DCC: variants seen among roughly 807,000 people sequenced by gnomAD.
DCC encodes netrin receptor DCC.
Under a neutral mutation model 172.5 loss-of-function variants are expected in DCC, and 58 were observed. The ratio of observed to expected loss-of-function variants is 0.34; its 90% confidence interval spans 0.27 to 0.42. DCC has a LOEUF of 0.42. DCC is among the 10% of genes least tolerant of loss of function. The probability of loss-of-function intolerance (pLI) is 1.00; values close to 1 mark genes in which losing one functional copy is unlikely to be tolerated. For synonymous variants in DCC, 709 were observed against 644.5 expected, an observed-to-expected ratio of 1.10 and a Z score of -1.52; for missense variants, 1,740 against 1,791.0, an observed-to-expected ratio of 0.97 and a Z score of 0.51.
chr18:53,506,504 T>TATGAAAATAAACAGACATGC (rs2046177304), intron 27 of DCC, among the ~76,000 whole-genome samples: 1 of 152,168 alleles, frequency 6.6e-6, no homozygotes, highest in African/African-American at 2.4e-5. Flanking sequence ...GGTTTATTTT[T>TATGAAAATAAACAGACATGC]ATGAAAATAA....
At chr18:52,652,463 C>T (rs547195805) in intron 1 of DCC, among the ~76,000 whole-genome samples, 1 of 152,182 alleles carries the variant, frequency 6.6e-6, no homozygotes, top group East Asian at 1.9e-4. Flanking sequence ...CCTTCAATAA[C>T]TTCAAGGAAT....
At chr18:53,317,587 C>T (rs756470377) in intron 13 of DCC, among the ~76,000 whole-genome samples, 14 of 152,232 alleles carry the variant, frequency 9.2e-5, no homozygotes, top group South Asian at 6.2e-4. Context: ...TGGTAGAATT[C>T]GGCTATAAAT....
chr18:52,744,754 A>C (rs1482200599), intron 1 of DCC, among the ~76,000 whole-genome samples: 1 of 152,222 alleles, frequency 6.6e-6, no homozygotes, highest in Admixed American at 6.5e-5. Context: ...AGGCTACAGC[A>C]CAGTTAAATG....
At chr18:53,085,884 A>T (rs1198231632) in intron 7 of DCC, among the ~76,000 whole-genome samples, 1 of 151,668 alleles carries the variant, frequency 6.6e-6, no homozygotes, top group Non-Finnish European at 1.5e-5. Context: ...TCATTTAAGA[A>T]GGATAAAATT....
chr18:53,337,423 A>C (rs1278527378), intron 14 of DCC, among the ~76,000 whole-genome samples: 2 of 152,260 alleles, frequency 1.3e-5, no homozygotes, highest in African/African-American at 4.8e-5. Flanking sequence ...AGACTGTGGC[A>C]GTAGGGTTGA....
At chr18:52,541,899 G>GTATATATATATATATGTATA (rs1390082523) in intron 1 of DCC, among the ~76,000 whole-genome samples, 1 of 136,038 alleles carries the variant, frequency 7.4e-6, no homozygotes. Flanking sequence ...ATATATATGT[G>GTATATATATATATATGTATA]TATATATATA....
intron 2 of DCC, among the ~76,000 whole-genome samples, chr18:52,841,125 G>A (rs1437986061): frequency 2.0e-5 from 3 of 152,222 alleles, no homozygotes; most frequent in Admixed American, 2.0e-4. Flanking sequence ...GTAATGGTAA[G>A]ACTTGGAGTG....
At chr18:53,382,069 A>AACACACACACACACACACACAC (rs61553123) in intron 15 of DCC, among the ~76,000 whole-genome samples, 8 of 122,856 alleles carry the variant, frequency 6.5e-5, no homozygotes, top group African/African-American at 1.6e-4. Flanking sequence ...GATTAAAAAC[A>AACACACACACACACACACACAC]ACACACACAC....
intron 25 of DCC, among the ~76,000 whole-genome samples, chr18:53,486,278 A>G (rs928108797): frequency 3.3e-5 from 5 of 152,190 alleles, no homozygotes; most frequent in African/African-American, 1.2e-4. Flanking sequence ...GATATTTTCT[A>G]TTTAAAGATA....
intron 14 of DCC, 132 bp downstream of exon 14, chr18:53,322,289 C>T (rs781417541): frequency 2.8e-4 from 191 of 690,076 alleles, no homozygotes; most frequent in Non-Finnish European, 4.6e-4. Flanking sequence ...ATGCAAAACA[C>T]AACAGGGAAA....
intron 11 of DCC, among the ~76,000 whole-genome samples, chr18:53,210,052 G>A (rs908124503): frequency 2.0e-5 from 3 of 152,220 alleles, no homozygotes; most frequent in African/African-American, 4.8e-5. Context: ...AAAGGAGATA[G>A]CAAGGACTTT....
chr18:52,405,012 A>G (rs1986587258), intron 1 of DCC, among the ~76,000 whole-genome samples: 3 of 151,748 alleles, frequency 2.0e-5, no homozygotes, highest in African/African-American at 4.8e-5. Flanking sequence ...TTATGGCTGC[A>G]TAGTATTCCA....
At chr18:52,775,536 C>G (rs567531524) in intron 2 of DCC, among the ~76,000 whole-genome samples, 1 of 152,210 alleles carries the variant, frequency 6.6e-6, no homozygotes, top group African/African-American at 2.4e-5. Context: ...ATGGGGGAGC[C>G]AGAAGGGAGA....
At chr18:53,131,680 T>C (rs980958210) in intron 7 of DCC, among the ~76,000 whole-genome samples, 3 of 152,144 alleles carry the variant, frequency 2.0e-5, no homozygotes, top group Non-Finnish European at 2.9e-5. Context: ...ACTCATGATT[T>C]CAAACAAGGT....
intron 17 of DCC, among the ~76,000 whole-genome samples, chr18:53,393,846 C>T (rs1368666809): frequency 6.6e-6 from 1 of 151,738 alleles, no homozygotes; most frequent in Non-Finnish European, 1.5e-5. Context: ...TTTAACTGTT[C>T]CTCTTCCCTT....
intron 2 of DCC, among the ~76,000 whole-genome samples, chr18:52,879,526 C>A (rs908961683): frequency 6.8e-6 from 1 of 147,840 alleles, no homozygotes; most frequent in Non-Finnish European, 1.5e-5. Flanking sequence ...TGGGTTCAAG[C>A]GATTCTTCTG....
At chr18:52,446,730 G>T (rs1229198156) in intron 1 of DCC, among the ~76,000 whole-genome samples, 2 of 152,176 alleles carry the variant, frequency 1.3e-5, no homozygotes, top group African/African-American at 4.8e-5. Context: ...GTGCCACAGA[G>T]TTATTTTTGT....
At chr18:52,885,175 A>C (rs2039551328) in intron 2 of DCC, among the ~76,000 whole-genome samples, 1 of 151,974 alleles carries the variant, frequency 6.6e-6, no homozygotes, top group African/African-American at 2.4e-5. Flanking sequence ...ACCTATGTTC[A>C]CTCAAGGATG....
intron 1 of DCC, among the ~76,000 whole-genome samples, chr18:52,713,813 T>TA (rs1332503315): frequency 6.6e-6 from 1 of 152,184 alleles, no homozygotes; most frequent in African/African-American, 2.4e-5. Context: ...CTAAGTGTGA[T>TA]ACAGGGAAGC....
Sources: gnomAD v4.1 joint callset for allele counts (sites outside exome capture counted in the v4.1 genomes callset) on GRCh38, gnomAD v4.1.1 for gene constraint, MANE v1.5 for transcripts, NCBI Gene and HGNC (gene_info 2026-07-23, HGNC 2026-07-21) for gene names.